NFAT5: variants seen among roughly 807,000 people sequenced by gnomAD.
The protein encoded by NFAT5 is nuclear factor of activated T cells 5, also known as nuclear factor of activated T-cells 5.
A neutral mutation model predicts 166.5 loss-of-function variants in NFAT5; 31 were observed. That is an observed-to-expected ratio of 0.19 (90% CI 0.14 to 0.25). The LOEUF is 0.25. Ranked by LOEUF, NFAT5 falls within the 10% of genes least tolerant of loss-of-function variation. NFAT5 has a pLI of 1.00. For missense variants in NFAT5, 1,449 were observed against 1,821.8 expected (o/e 0.80, Z 3.72); for synonymous variants, 612 against 639.7 (o/e 0.96, Z 0.65).
In NFAT5 at chr16:69,692,853, G is replaced by T; in HGVS notation, c.3028G>T (p.Glu1010Ter). ...GACATCAAGTTCAGGAGATGGAGAA[G>T]AAACTGGAACACAAGCAAAACAGAT... Reference protein sequence around the residue: ...FQTSSSGDGEETGTQAKQIQN... With the variant: ...FQTSSSGDGE The change falls in exon 13 of 15, where the codon GAA becomes TAA. Residue 1010 changes from glutamate to a stop codon, truncating the protein, a stop_gained. Coordinates refer to ENST00000349945, the MANE Select transcript of NFAT5 (RefSeq NM_138713.4). LOFTEE classifies it high-confidence loss of function. 1 of 1,614,266 alleles carries T rather than the reference G, an allele frequency of 6.2e-7. No individual in the cohort carries two copies. Among genetic ancestry groups the T allele is most frequent in the Non-Finnish European group, 8.5e-7 (1 of 1,180,052 alleles).
intron 2 of NFAT5, among the ~76,000 whole-genome samples, chr16:69,614,774 T>A (rs1225562697): frequency 6.6e-6 from 1 of 152,168 alleles, no homozygotes; most frequent in Non-Finnish European, 1.5e-5. Context: ...AGCAAAAGGA[T>A]CCAGTTTAGA....
rs544009499 is a variant in NFAT5 at position 69,571,375 on chromosome 16, T to C, written c.127+2827T>C. ...GAATTCTCCTGACTACCCTTTGAGA[T>C]GGTTATTATTATCCTACTTTAGAGA... is the stretch of plus-strand genomic sequence containing the variant. On this transcript the variant is annotated intron_variant, in intron 2 of 14. Transcript: ENST00000349945. Among the ~76,000 whole-genome samples the C allele has an allele frequency of 6.6e-5, 10 of 152,156 alleles. 1 individual carries two copies. The South Asian group carries it at 2.1e-3, about 32-fold the overall frequency.
At chr16:69,644,756 A>G in intron 3 of NFAT5, 2 of 423,104 alleles carry the variant, frequency 4.7e-6, no homozygotes, top group South Asian at 3.4e-5. Flanking sequence ...TTTTGGGTTC[A>G]TGATTGCTTT....
chr16:69,697,350 G>A lies in NFAT5; in HGVS notation c.*999G>A, dbSNP rs926878117. 3 of 151,914 alleles carry A rather than the reference G, an allele frequency of 2.0e-5. No individual in the cohort carries two copies. Among genetic ancestry groups the A allele is most frequent in the African/African-American group, 7.3e-5 (3 of 41,350 alleles). The allele number at this position is 151,914 out of a possible 1,614,324, so 9.4% of individuals were successfully genotyped here. The stretch of plus-strand genomic sequence containing the variant: ...GCACAGGGCAGAGAGTACTGTCTTA[G>A]GAATTATTAGGAGTTGATTCCTGAG... On this transcript the variant is annotated 3_prime_UTR_variant, in exon 15 of 15. Coordinates refer to ENST00000349945, the MANE Select transcript of NFAT5 (RefSeq NM_138713.4).
At chr16:69,661,461 T>C (rs959047031) in intron 7 of NFAT5, among the ~76,000 whole-genome samples, 2 of 143,666 alleles carry the variant, frequency 1.4e-5, no homozygotes, top group Non-Finnish European at 3.0e-5. Context: ...AAGGATCACT[T>C]GAGCCCAGGA....
chr16:69,665,477 G>T (rs1437505875), intron 7 of NFAT5, among the ~76,000 whole-genome samples: 1 of 80,578 alleles, frequency 1.2e-5, no homozygotes, highest in Non-Finnish European at 2.4e-5. Flanking sequence ...AAAGTCTCAG[G>T]ATACAAAATC....
chr16:69,596,842 C>A (rs1247459344), intron 2 of NFAT5, among the ~76,000 whole-genome samples: 1 of 151,774 alleles, frequency 6.6e-6, no homozygotes, highest in African/African-American at 2.4e-5. Flanking sequence ...TGATTTCTTC[C>A]CTAATTGAGC....
rs1490882720 is a variant in NFAT5, at chr16:69,568,342, A to ATGTG, written c.74-152_74-151insGTGT. ...TTTCAAAATGTATGTGTGTATATATATATATGTGTGTGTGTGTGTGTGTGT... is the reference window on the plus strand; with the variant it reads ...TTTCAAAATGTATGTGTGTATATATATGTGTATATGTGTGTGTGTGTGTGTGTGT... On this transcript the variant is annotated intron_variant, in intron 1 of 14. Transcript: ENST00000349945. Among the ~76,000 whole-genome samples, 51 of 47,940 alleles carry ATGTG rather than the reference A, an allele frequency of 1.1e-3. No individual in the cohort carries two copies. The Middle Eastern group carries it at 0.029, about 28-fold the overall frequency. 31.5% of individuals were successfully genotyped at this position (47,940 alleles called of 152,430 possible). A position where few individuals can be genotyped will look rare whatever the true frequency, so the allele number is the denominator to read the frequency against.
At chr16:69,592,876 G>A (rs2032560724) in intron 2 of NFAT5, among the ~76,000 whole-genome samples, 1 of 152,162 alleles carries the variant, frequency 6.6e-6, no homozygotes, top group African/African-American at 2.4e-5. Flanking sequence ...TTGGGAGTTT[G>A]AAGTTGAGCA....
At position 69,635,093 on chromosome 16, in the gene NFAT5, C is replaced by G. The variant is rs187423038; in HGVS notation, c.253+8565C>G. 2.4e-4 allele frequency among the ~76,000 whole-genome samples: 36 copies of G among 149,248 alleles called. No individual in the cohort carries two copies. In the East Asian group the frequency reaches 6.6e-3, roughly 27 times the overall value. ...TGGTGCGATCTCAGCTCACTGAAAC[C>G]TCCACCTCCTGGGTTCAAGCGATTC... On this transcript the variant is annotated intron_variant, in intron 3 of 14. Transcript: ENST00000349945.
chr16:69,684,466 C>A (rs2037204178), intron 10 of NFAT5, among the ~76,000 whole-genome samples: 1 of 150,646 alleles, frequency 6.6e-6, no homozygotes, highest in Non-Finnish European at 1.5e-5. Flanking sequence ...GAGGCTGAGG[C>A]AGAGAATTGC....
chr16:69,638,510 G>A (rs2035064709), intron 3 of NFAT5, among the ~76,000 whole-genome samples: 1 of 152,070 alleles, frequency 6.6e-6, no homozygotes, highest in Non-Finnish European at 1.5e-5. Context: ...GTGGTGCGTG[G>A]ATCACCTGAG....
At position 69,691,495 on chromosome 16, in the gene NFAT5, A is replaced by T. The variant is rs189758987; in HGVS notation, c.1924-254A>T. ...CTGATTACCCTTAATTCACCTAAGC[A>T]TATCAATAGCCGATTATTCTACTTC... On this transcript the variant is annotated intron_variant, in intron 12 of 14. Transcript: ENST00000349945. Among the ~76,000 whole-genome samples, 1,509 of 152,272 alleles carry T rather than the reference A, an allele frequency of 9.9e-3. 22 individuals carry two copies. Among genetic ancestry groups the T allele is most frequent in the Middle Eastern group, 0.02 (6 of 294 alleles).
chr16:69,585,860 G>A (rs1238717816), intron 2 of NFAT5, among the ~76,000 whole-genome samples: 1 of 152,196 alleles, frequency 6.6e-6, no homozygotes, highest in Non-Finnish European at 1.5e-5. Context: ...GGGGGTTGGG[G>A]AGGAATGGGA....
intron 3 of NFAT5, chr16:69,644,707 A>T (rs984988072): frequency 2.9e-6 from 1 of 346,138 alleles, no homozygotes; most frequent in Non-Finnish European, 5.7e-6. Context: ...AGACAAGGTT[A>T]TATCGTGCAT....
chr16:69,569,080 G>A (rs1432858820), intron 2 of NFAT5, among the ~76,000 whole-genome samples: 1 of 152,172 alleles, frequency 6.6e-6, no homozygotes, highest in Admixed American at 6.5e-5. Flanking sequence ...GGTTTAGAAA[G>A]TTCTGGAAAT....
chr16:69,690,829 T>C, intron 11 of NFAT5, 111 bp from the exon 12 acceptor site: 1 of 872,342 alleles, frequency 1.1e-6, no homozygotes, highest in Non-Finnish European at 1.7e-6. Flanking sequence ...GCTACCATTG[T>C]AGCATCAAAA....
chr16:69,679,789 G>A (rs1052823937), intron 10 of NFAT5, among the ~76,000 whole-genome samples: 6 of 152,014 alleles, frequency 3.9e-5, no homozygotes, highest in Middle Eastern at 3.2e-3. Context: ...TTCTAGGAAG[G>A]CTTAAAACAT....
chr16:69,701,199 C>G lies in NFAT5; in HGVS notation c.*4848C>G, dbSNP rs916180509. 3 of 152,228 alleles carry G rather than the reference C, an allele frequency of 2.0e-5. No individual in the cohort carries two copies. Among genetic ancestry groups the G allele is most frequent in the Non-Finnish European group, 2.9e-5 (2 of 68,052 alleles). 9.4% of individuals were successfully genotyped at this position (152,228 alleles called of 1,614,324 possible). A position where few individuals can be genotyped will look rare whatever the true frequency, so the allele number is the denominator to read the frequency against. Reference sequence around the variant, plus strand: ...TCCTAACCTCCAGTGATCCACCTGCCTCGGCGTCCCAAAGTGCTAGGATTA... The same window carrying G: ...TCCTAACCTCCAGTGATCCACCTGCGTCGGCGTCCCAAAGTGCTAGGATTA... On this transcript the variant is annotated 3_prime_UTR_variant, in exon 15 of 15. Coordinates refer to ENST00000349945, the MANE Select transcript of NFAT5 (RefSeq NM_138713.4).
Sources: gnomAD v4.1 joint callset for allele counts (sites outside exome capture counted in the v4.1 genomes callset) on GRCh38, gnomAD v4.1.1 for gene constraint, MANE v1.5 for transcripts, NCBI Gene and HGNC (gene_info 2026-07-23, HGNC 2026-07-21) for gene names.